Variants in ASIC2 observed in about 807,000 individuals in gnomAD.
ASIC2 encodes the protein acid-sensing ion channel 2.
Under a neutral mutation model 57.3 loss-of-function variants are expected in ASIC2, and 25 were observed. That is an observed-to-expected ratio of 0.44 (90% CI 0.32 to 0.61). ASIC2 has a LOEUF of 0.61. Ranked by LOEUF, ASIC2 falls within the 20% of genes least tolerant of loss-of-function variation. The pLI is 0.06. For synonymous variants in ASIC2, 319 were observed against 307.5 expected, an observed-to-expected ratio of 1.04 and a Z score of -0.39; for missense variants, 641 against 738.1, an observed-to-expected ratio of 0.87 and a Z score of 1.52.
At chr17:33,813,628 G>T (rs1004972569) in intron 1 of ASIC2, among the ~76,000 whole-genome samples, 1 of 152,114 alleles carries the variant, frequency 6.6e-6, no homozygotes, top group African/African-American at 2.4e-5. Flanking sequence ...AGTAGAGACG[G>T]GGTTTCACCG....
At chr17:33,581,390 C>G (rs115618928) in intron 1 of ASIC2, 1 of 152,146 alleles carries the variant, frequency 6.6e-6, no homozygotes, top group Admixed American at 6.6e-5. Flanking sequence ...GAGCCCCAGC[C>G]AGCTGACAGA....
chr17:33,863,865 T>C (rs528108456), intron 1 of ASIC2, among the ~76,000 whole-genome samples: 16 of 152,210 alleles, frequency 1.1e-4, no homozygotes, highest in Admixed American at 9.2e-4. Context: ...TTTTTTATTA[T>C]GCTCACTTTT....
rs548348975 is a variant in ASIC2, at chr17:33,485,438, C to T, written c.556-373371G>A. 6.0e-4 allele frequency among the ~76,000 whole-genome samples: 91 copies of T among 152,358 alleles called. No individual in the cohort carries two copies. In the South Asian group the frequency reaches 9.7e-3, roughly 16 times the overall value. Reference sequence around the variant, plus strand: ...GTGAAGCTCCCACTGGACACACTGTCTTGTAACTTACTTTTTATCCACTTA... The same window carrying T: ...GTGAAGCTCCCACTGGACACACTGTTTTGTAACTTACTTTTTATCCACTTA... On this transcript the variant is annotated intron_variant, in intron 1 of 9. Transcript: ENST00000359872.
At chr17:34,130,702 G>T (rs1177882784) in intron 1 of ASIC2, among the ~76,000 whole-genome samples, 1 of 152,214 alleles carries the variant, frequency 6.6e-6, no homozygotes, top group Non-Finnish European at 1.5e-5. Context: ...TTTCCCATCT[G>T]GGCAGCAAGC....
chr17:33,880,440 G>A (rs540973261), intron 1 of ASIC2, among the ~76,000 whole-genome samples: 136 of 152,190 alleles, frequency 8.9e-4, no homozygotes, highest in Non-Finnish European at 7.8e-4. Context: ...CACTGATCCC[G>A]CAGAAATATA....
chr17:33,551,349 G>T (rs553844177), intron 1 of ASIC2, among the ~76,000 whole-genome samples: 1 of 152,128 alleles, frequency 6.6e-6, no homozygotes, highest in Admixed American at 6.5e-5. Flanking sequence ...AGGTCAGGAC[G>T]CTGTTAGGAC....
intron 1 of ASIC2, among the ~76,000 whole-genome samples, chr17:33,701,800 G>A (rs1252039853): frequency 6.6e-6 from 1 of 152,204 alleles, no homozygotes; most frequent in Admixed American, 6.5e-5. Context: ...ATGGCAATCA[G>A]GCTTCTCCCA....
At chr17:33,478,188 G>A (rs985215644) in intron 1 of ASIC2, among the ~76,000 whole-genome samples, 3 of 152,182 alleles carry the variant, frequency 2.0e-5, no homozygotes, top group Non-Finnish European at 4.4e-5. Context: ...TTCAAGGGAG[G>A]TGGATGACAG....
chr17:33,298,685 A>G (rs1473137869), intron 1 of ASIC2, among the ~76,000 whole-genome samples: 1 of 152,176 alleles, frequency 6.6e-6, no homozygotes, highest in East Asian at 1.9e-4. Context: ...TGTCTTCCAC[A>G]ATGGTTGAAC....
At chr17:33,534,227 A>C (rs974891120) in intron 1 of ASIC2, 1 of 152,150 alleles carries the variant, frequency 6.6e-6, no homozygotes, top group Non-Finnish European at 1.5e-5. Flanking sequence ...TTCAAATTCA[A>C]ACGCGAACCA....
At chr17:33,159,441 G>A (rs762007050) in intron 1 of ASIC2, among the ~76,000 whole-genome samples, 8 of 152,134 alleles carry the variant, frequency 5.3e-5, no homozygotes, top group Non-Finnish European at 1.2e-4. Context: ...GAGGATGGGA[G>A]ACACTGTTCT....
At chr17:33,800,731 A>T (rs1355792135) in intron 1 of ASIC2, among the ~76,000 whole-genome samples, 1 of 152,204 alleles carries the variant, frequency 6.6e-6, no homozygotes, top group East Asian at 1.9e-4. Flanking sequence ...AACTTTGGAC[A>T]CAGTATTATA....
At chr17:33,276,091 G>C (rs7218517) in intron 1 of ASIC2, among the ~76,000 whole-genome samples, 29,355 of 152,054 alleles carry the variant, frequency 0.19, 3,064 homozygotes, top group Admixed American at 0.25. Flanking sequence ...GATACTATGG[G>C]AGCAGGGGAG....
At position 33,396,732 on chromosome 17, in the gene ASIC2, CCTGT is replaced by C. The variant is rs1259734521; in HGVS notation, c.556-284669_556-284666del. ...TCATCATGGGGACATAGTTAGATCA[CCTGT>C]CTAACAGTCTTTCATATAATCCTGA... On this transcript the variant is annotated intron_variant, in intron 1 of 9. Transcript: ENST00000359872. 3.3e-5 allele frequency among the ~76,000 whole-genome samples: 5 copies of C among 152,168 alleles called. No individual in the cohort carries two copies. In the East Asian group the frequency reaches 5.8e-4, roughly 18 times the overall value.
intron 1 of ASIC2, among the ~76,000 whole-genome samples, chr17:33,347,032 G>A (rs1907976065): frequency 2.0e-5 from 3 of 152,184 alleles, no homozygotes; most frequent in Admixed American, 2.0e-4. Context: ...GCTTCATACA[G>A]ATGATTTGGA....
intron 1 of ASIC2, among the ~76,000 whole-genome samples, chr17:33,418,020 A>ATGTGTGTGTG (rs1393294975): frequency 7.7e-5 from 9 of 117,644 alleles, no homozygotes; most frequent in African/African-American, 2.7e-4. Context: ...GGCTCTCAGC[A>ATGTGTGTGTG]TGTATGTATG....
chr17:33,518,826 C>CTT (rs550019500), intron 1 of ASIC2, among the ~76,000 whole-genome samples: 3 of 146,526 alleles, frequency 2.0e-5, no homozygotes, highest in Non-Finnish European at 3.0e-5. Flanking sequence ...GATAACTACT[C>CTT]TTTTTTTTTT....
rs986854577 is a variant in ASIC2 at position 33,421,572 on chromosome 17, A to C, written c.556-309505T>G. Among the ~76,000 whole-genome samples, 4 of 152,250 alleles carry C rather than the reference A, an allele frequency of 2.6e-5. No homozygotes were observed. The East Asian group carries it at 7.7e-4, about 29-fold the overall frequency. ...GTAAGGAGTTGGGTAGAATGGGTGC[A>C]GCAAGTTGCATTGACTTATTTTTTA... is the stretch of plus-strand genomic sequence containing the variant. On this transcript the variant is annotated intron_variant, in intron 1 of 9. Coordinates refer to the ASIC2 transcript ENST00000359872.
intron 1 of ASIC2, among the ~76,000 whole-genome samples, chr17:34,141,569 T>C (rs1442828172): frequency 1.3e-5 from 2 of 152,216 alleles, no homozygotes; most frequent in African/African-American, 2.4e-5. Flanking sequence ...TGGGTATTAT[T>C]CTTTTCCACT....
Sources: gnomAD v4.1 joint callset for allele counts (sites outside exome capture counted in the v4.1 genomes callset) on GRCh38, gnomAD v4.1.1 for gene constraint, MANE v1.5 for transcripts, NCBI Gene and HGNC (gene_info 2026-07-23, HGNC 2026-07-21) for gene names.